SRF: variants seen among roughly 807,000 people sequenced by gnomAD.
SRF encodes the protein c-fos serum response element-binding transcription factor.
SRF carries 7 observed loss-of-function variants against 37.1 expected under a neutral mutation model. The observed-to-expected ratio is 0.19, with a 90% confidence interval of 0.11 to 0.35. The LOEUF (loss-of-function observed/expected upper bound fraction) is 0.35. Ranked by LOEUF, SRF falls within the 10% of genes least tolerant of loss-of-function variation. SRF has a pLI of 1.00. For missense variants in SRF, 395 were observed against 694.4 expected, an observed-to-expected ratio of 0.57 and a Z score of 4.85; for synonymous variants, 285 against 310.1, an observed-to-expected ratio of 0.92 and a Z score of 0.85.
At chr6:43,175,658 G>T in intron 2 of SRF, 48 bp from the exon 3 acceptor site, 2 of 1,605,290 alleles carry the variant, frequency 1.2e-6, no homozygotes, top group South Asian at 1.1e-5. Flanking sequence ...CTTCTGCAAA[G>T]GCAGGATCTG....
rs1243267735 is a variant in SRF at position 43,176,900 on chromosome 6, C to T, written c.1162+233C>T. Among the ~76,000 whole-genome samples, 1 of 152,166 alleles carries T rather than the reference C, an allele frequency of 6.6e-6. No individual in the cohort carries two copies. The highest frequency in any genetic ancestry group is 1.5e-5 in the Non-Finnish European group (1 of 68,028). On this transcript the variant is annotated intron_variant, in intron 4 of 6. Coordinates refer to ENST00000265354, the MANE Select transcript of SRF (RefSeq NM_003131.4). The surrounding 1 kb of genome is among the most constrained non-coding windows in gnomAD (Gnocchi z 4.0). ...AAATTGGGGACCATTGACCTACCTC[C>T]TCATTCAGATGAGGAGCCTGAGGCC...
intron 2 of SRF, among the ~76,000 whole-genome samples, chr6:43,174,968 A>G (rs1772171702): frequency 6.6e-6 from 1 of 152,184 alleles, no homozygotes; most frequent in African/African-American, 2.4e-5. Flanking sequence ...GTGGCATATC[A>G]TCTGTAATAA....
Position 43,179,285 on chromosome 6 carries a change from C to A in SRF, c.*95C>A. 1 of 1,359,768 alleles carries A rather than the reference C, an allele frequency of 7.4e-7. No homozygotes were observed. Among genetic ancestry groups the A allele is most frequent in the Non-Finnish European group, 1.0e-6 (1 of 973,052 alleles). The allele number at this position is 1,359,768 out of a possible 1,614,324, so 84.2% of individuals were successfully genotyped here. A position where few individuals can be genotyped will look rare whatever the true frequency, so the allele number is the denominator to read the frequency against. ...TCTTTACACACACGTTGACGGGCCGCAGGAGGGAGGCGGGGAGGAGGAACG... is the reference window on the plus strand; with the variant it reads ...TCTTTACACACACGTTGACGGGCCGAAGGAGGGAGGCGGGGAGGAGGAACG... On this transcript the variant is annotated 3_prime_UTR_variant, in exon 7 of 7. Transcript: ENST00000265354. This position sits in a 1 kb window ranked among gnomAD's most constrained non-coding sequence, Gnocchi z 5.3.
At position 43,180,797 on chromosome 6, in the gene SRF, C is replaced by G. The variant is rs1409873001; in HGVS notation, c.*1607C>G. The G allele has an allele frequency of 2.6e-5, 4 of 152,318 alleles. No homozygotes were observed. The highest frequency in any genetic ancestry group is 5.9e-5 in the Non-Finnish European group (4 of 68,054). The allele number at this position is 152,318 out of a possible 1,614,324, so 9.4% of individuals were successfully genotyped here. On this transcript the variant is annotated 3_prime_UTR_variant, in exon 7 of 7. Coordinates refer to ENST00000265354, the MANE Select transcript of SRF (RefSeq NM_003131.4). ...GCCTTCAGTAGGAACAAGCTGGCTTCTGTGATTAGGTGAAGGGATGGGGGA... is the reference window on the plus strand; with the variant it reads ...GCCTTCAGTAGGAACAAGCTGGCTTGTGTGATTAGGTGAAGGGATGGGGGA...
In SRF at chr6:43,172,231, G is replaced by C. The variant is rs1772122477; in HGVS notation, c.513+62G>C. On this transcript the variant is annotated intron_variant, in intron 1 of 6. Transcript: ENST00000265354. This position sits in a 1 kb window ranked among gnomAD's most constrained non-coding sequence, Gnocchi z 5.7. ...GTTGGGGTGGGGATGTGCAAAGGGA[G>C]CCCGGGAGGACCGCAGAGCCGAGGC... 1.2e-5 allele frequency: 18 copies of C among 1,564,220 alleles called. No individual in the cohort carries two copies. The South Asian group carries it at 1.5e-4, about 13-fold the overall frequency.
chr6:43,179,281 G>C lies in SRF; in HGVS notation c.*91G>C. The C allele has an allele frequency of 7.2e-7, 1 of 1,388,322 alleles. No individual in the cohort carries two copies. Among genetic ancestry groups the C allele is most frequent in the South Asian group, 1.2e-5 (1 of 80,078 alleles). 86.0% of individuals were successfully genotyped at this position (1,388,322 alleles called of 1,614,324 possible). A position where few individuals can be genotyped will look rare whatever the true frequency, so the allele number is the denominator to read the frequency against. ...GTTTTCTTTACACACACGTTGACGG[G>C]CCGCAGGAGGGAGGCGGGGAGGAGG... On this transcript the variant is annotated 3_prime_UTR_variant, in exon 7 of 7. Transcript: ENST00000265354. This position sits in a 1 kb window ranked among gnomAD's most constrained non-coding sequence, Gnocchi z 5.3.
Position 43,176,505 on chromosome 6 carries a change from A to C in SRF, c.1043-43A>C. 1 of 1,608,244 alleles carries C rather than the reference A, an allele frequency of 6.2e-7. No homozygotes were observed. The highest frequency in any genetic ancestry group is 1.1e-5 in the South Asian group (1 of 90,804). On this transcript the variant is annotated intron_variant, in intron 3 of 6. Transcript: ENST00000265354. The surrounding 1 kb of genome is among the most constrained non-coding windows in gnomAD (Gnocchi z 4.0). Reference sequence around the variant, plus strand: ...TCCATGGGTACTTGGTGGAGGTGGCAATTGGGTGGGACAGAGCACAAATAA... The same window carrying C: ...TCCATGGGTACTTGGTGGAGGTGGCCATTGGGTGGGACAGAGCACAAATAA...
Position 43,172,901 on chromosome 6 carries a change from G to C in SRF, c.513+732G>C, listed in dbSNP as rs1351940365. On this transcript the variant is annotated intron_variant, in intron 1 of 6. Coordinates refer to ENST00000265354, the MANE Select transcript of SRF (RefSeq NM_003131.4). This position sits in a 1 kb window ranked among gnomAD's most constrained non-coding sequence, Gnocchi z 5.7. The stretch of plus-strand genomic sequence containing the variant: ...GGTTTGGGGGAAGTCAGGGAGGCTT[G>C]CAGAGGTACCTAGGAATTCCTCTTC... Among the ~76,000 whole-genome samples, 2 of 152,174 alleles carry C rather than the reference G, an allele frequency of 1.3e-5. No homozygotes were observed. Among genetic ancestry groups the C allele is most frequent in the Non-Finnish European group, 2.9e-5 (2 of 68,028 alleles).
At position 43,178,910 on chromosome 6, in the gene SRF, C is replaced by A. The variant is rs373306943; in HGVS notation, c.1431+28C>A. 2 of 1,609,534 alleles carry A rather than the reference C, an allele frequency of 1.2e-6. No homozygotes were observed. The highest frequency in any genetic ancestry group is 4.5e-5 in the East Asian group (2 of 44,870). ...AGGTAGGGATATCTTTCACCCCATC[C>A]CAGATAGCCACTTCTTTGTCTTGAC... On this transcript the variant is annotated intron_variant, in intron 6 of 6. Coordinates refer to ENST00000265354, the MANE Select transcript of SRF (RefSeq NM_003131.4). The surrounding 1 kb of genome is among the most constrained non-coding windows in gnomAD (Gnocchi z 4.3).
At chr6:43,174,953 T>C (rs1772171303) in intron 2 of SRF, among the ~76,000 whole-genome samples, 1 of 152,208 alleles carries the variant, frequency 6.6e-6, no homozygotes, top group African/African-American at 2.4e-5. Context: ...CTACCTCCTC[T>C]CTTAGTGGCA....
Position 43,171,815 on chromosome 6 carries a change from C to T in SRF, c.159C>T (p.Pro53=). Residue 53 remains proline (P), a synonymous_variant, in exon 1 of 7, where the codon CCC becomes CCT. Transcript: ENST00000265354. The surrounding 1 kb of genome is among the most constrained non-coding windows in gnomAD (Gnocchi z 6.5). ...RVPGNGAGLG[P]GRLEREAAAA... is the part of the protein sequence containing the mutation. ...CCGGGAATGGCGCGGGGCTCGGGCC[C>T]GGCCGCCTGGAGCGGGAGGCTGCGG... 2 of 1,233,776 alleles carry T rather than the reference C, an allele frequency of 1.6e-6. No individual in the cohort carries two copies. Among genetic ancestry groups the T allele is most frequent in the Admixed American group, 4.3e-5 (1 of 23,354 alleles). 76.4% of individuals were successfully genotyped at this position (1,233,776 alleles called of 1,614,324 possible).
Position 43,171,696 on chromosome 6 carries a change from CG to C in SRF, c.44del (p.Gly15AlafsTer8). On this transcript the variant is annotated frameshift_variant, in exon 1 of 7. Coordinates refer to ENST00000265354, the MANE Select transcript of SRF (RefSeq NM_003131.4). LOFTEE classifies it high-confidence loss of function. The surrounding 1 kb of genome is among the most constrained non-coding windows in gnomAD (Gnocchi z 6.5). ...AGCTGGGGCCGCGGCGGCTCTGGGCCGGGGCTCGGCCCTGGGGGGCAGCCTG... is the reference window on the plus strand; with the variant it reads ...AGCTGGGGCCGCGGCGGCTCTGGGCCGGGCTCGGCCCTGGGGGGCAGCCTG... ...TQAGAAAALG[R>X]GSALGGSLNR... The C allele has an allele frequency of 8.3e-7, 1 of 1,208,554 alleles. No individual in the cohort carries two copies. The highest frequency in any genetic ancestry group is 1.0e-6 in the Non-Finnish European group (1 of 971,680). 74.9% of individuals were successfully genotyped at this position (1,208,554 alleles called of 1,614,324 possible).
chr6:43,173,715 C>A lies in SRF; in HGVS notation c.514-132C>A. ...AGATCCTGATAGGACACCCTGCCCT[C>A]AGAGTCATTAGAGACGAAGGTCATT... On this transcript the variant is annotated intron_variant, in intron 1 of 6. Coordinates refer to ENST00000265354, the MANE Select transcript of SRF (RefSeq NM_003131.4). This position sits in a 1 kb window ranked among gnomAD's most constrained non-coding sequence, Gnocchi z 4.2. The A allele has an allele frequency of 8.0e-7, 1 of 1,246,486 alleles. No homozygotes were observed. Among genetic ancestry groups the A allele is most frequent in the Non-Finnish European group, 1.1e-6 (1 of 915,390 alleles). 77.2% of individuals were successfully genotyped at this position (1,246,486 alleles called of 1,614,324 possible).
At position 43,179,481 on chromosome 6, in the gene SRF, G is replaced by C; in HGVS notation, c.*291G>C. ...GCCAGCTTGGCTCGATGTTTGCCATGAGTATTAGCTTACCCAATGGGACCG... is the reference window on the plus strand; with the variant it reads ...GCCAGCTTGGCTCGATGTTTGCCATCAGTATTAGCTTACCCAATGGGACCG... On this transcript the variant is annotated 3_prime_UTR_variant, in exon 7 of 7. Transcript: ENST00000265354. This position sits in a 1 kb window ranked among gnomAD's most constrained non-coding sequence, Gnocchi z 5.3. 1.1e-5 allele frequency: 5 copies of C among 467,312 alleles called. No individual in the cohort carries two copies. Among genetic ancestry groups the C allele is most frequent in the South Asian group, 1.0e-4 (5 of 48,702 alleles). The allele number at this position is 467,312 out of a possible 1,614,324, so 28.9% of individuals were successfully genotyped here.
In SRF at chr6:43,171,574, G is replaced by C; in HGVS notation, c.-83G>C. 1 of 1,166,428 alleles carries C rather than the reference G, an allele frequency of 8.6e-7. No individual in the cohort carries two copies. The highest frequency in any genetic ancestry group is 1.1e-6 in the Non-Finnish European group (1 of 942,662). The allele number at this position is 1,166,428 out of a possible 1,614,324, so 72.3% of individuals were successfully genotyped here. ...GCACTAGCAGCAGCGGGAGTGCCGG[G>C]TTGAGCCGGGAAGCCGATGGCGGCG... On this transcript the variant is annotated 5_prime_UTR_variant, in exon 1 of 7. Transcript: ENST00000265354. This position sits in a 1 kb window ranked among gnomAD's most constrained non-coding sequence, Gnocchi z 6.5.
rs768588222 is a variant in SRF, at chr6:43,178,304, C to T, written c.1173C>T (p.Pro391=). 3.1e-5 allele frequency: 49 copies of T among 1,592,880 alleles called. No individual in the cohort carries two copies. Among genetic ancestry groups the T allele is most frequent in the African/African-American group, 5.4e-5 (4 of 74,442 alleles). Residue 391 remains proline, a synonymous_variant, in exon 5 of 7, where the codon CCC becomes CCT. Transcript: ENST00000265354. This position sits in a 1 kb window ranked among gnomAD's most constrained non-coding sequence, Gnocchi z 4.3. The part of the protein sequence containing the change: ...QTSSSGTVTL[P]ATIMTSSVPT... ...GTCTGTGTTTGCCAGTGACGCTGCC[C>T]GCCACCATCATGACGTCATCCGTGC...
At position 43,179,295 on chromosome 6, in the gene SRF, G is replaced by A. The variant is rs745732101; in HGVS notation, c.*105G>A. The A allele has an allele frequency of 1.6e-6, 2 of 1,248,824 alleles. No individual in the cohort carries two copies. Among genetic ancestry groups the A allele is most frequent in the Non-Finnish European group, 2.3e-6 (2 of 878,840 alleles). The allele number at this position is 1,248,824 out of a possible 1,614,324, so 77.4% of individuals were successfully genotyped here. On this transcript the variant is annotated 3_prime_UTR_variant, in exon 7 of 7. Coordinates refer to ENST00000265354, the MANE Select transcript of SRF (RefSeq NM_003131.4). This position sits in a 1 kb window ranked among gnomAD's most constrained non-coding sequence, Gnocchi z 5.3. The stretch of plus-strand genomic sequence containing the variant: ...CACGTTGACGGGCCGCAGGAGGGAG[G>A]CGGGGAGGAGGAACGGGCAGCCACA...
chr6:43,175,776 G>T lies in SRF; in HGVS notation c.851G>T (p.Ser284Ile). The T allele has an allele frequency of 6.2e-7, 1 of 1,614,188 alleles. No homozygotes were observed. The highest frequency in any genetic ancestry group is 8.5e-7 in the Non-Finnish European group (1 of 1,180,030). The change falls in exon 3 of 7, where the codon AGC (serine) becomes ATC (isoleucine). Residue 284 changes from serine (S) to isoleucine (I), a missense_variant. Transcript: ENST00000265354. ...GTTSTIQTAP[S>I]TSTTMQVSSG... ...ACCTCCACCATCCAAACAGCACCTA[G>T]CACCTCTACCACCATGCAAGTCAGC...
chr6:43,174,176 C>A, intron 2 of SRF, 63 bp downstream of exon 2: 1 of 1,579,348 alleles, frequency 6.3e-7, no homozygotes, highest in East Asian at 2.3e-5. Context: ...CTTTCTGGCC[C>A]AGGACAGGTG....
Sources: gnomAD v4.1 joint callset for allele counts (sites outside exome capture counted in the v4.1 genomes callset) on GRCh38, gnomAD v4.1.1 for gene constraint, Gnocchi (gnomAD v3.1) non-coding constraint, MANE v1.5 for transcripts, NCBI Gene and HGNC (gene_info 2026-07-23, HGNC 2026-07-21) for gene names.